MACROD2: variants seen among roughly 807,000 people sequenced by gnomAD.
MACROD2 encodes ADP-ribose glycohydrolase MACROD2.
MACROD2 carries 36 observed loss-of-function variants against 70.4 expected under a neutral mutation model. The ratio of observed to expected loss-of-function variants is 0.51; its 90% CI spans 0.39 to 0.68. MACROD2 has a LOEUF of 0.68. Among genes scored for constraint, MACROD2 ranks in the 30% least tolerant of loss-of-function variants. The pLI, the probability that MACROD2 is intolerant of heterozygous loss-of-function variation, is 0.00. For missense variants in MACROD2, 496 were observed against 538.4 expected, an observed-to-expected ratio of 0.92 and a Z score of 0.78; for synonymous variants, 172 against 178.8, an observed-to-expected ratio of 0.96 and a Z score of 0.30.
At chr20:14,869,070 G>A (rs1436446292) in intron 5 of MACROD2, among the ~76,000 whole-genome samples, 1 of 152,110 alleles carries the variant, frequency 6.6e-6, no homozygotes, top group Non-Finnish European at 1.5e-5. Context: ...ACCTTGAGTG[G>A]CCCTTTCTAA....
intron 5 of MACROD2, among the ~76,000 whole-genome samples, chr20:14,835,716 T>A (rs1665051946): frequency 6.6e-6 from 1 of 151,980 alleles, no homozygotes; most frequent in Non-Finnish European, 1.5e-5. Context: ...GAACAGGGCA[T>A]TGCACCATTC....
intron 2 of MACROD2, among the ~76,000 whole-genome samples, chr20:14,030,040 C>A (rs530016865): frequency 6.6e-6 from 1 of 152,270 alleles, no homozygotes; most frequent in Admixed American, 6.5e-5. Context: ...ATTTTACTTG[C>A]AAAGTATTGT....
At chr20:14,012,495 A>G (rs1268516338) in intron 2 of MACROD2, among the ~76,000 whole-genome samples, 1 of 152,084 alleles carries the variant, frequency 6.6e-6, no homozygotes, top group Non-Finnish European at 1.5e-5. Flanking sequence ...AGTGATGCAA[A>G]TTTTCTTTCC....
At chr20:15,993,231 AGAGT>A (rs374644176) in intron 15 of MACROD2, among the ~76,000 whole-genome samples, 8,370 of 97,902 alleles carry the variant, frequency 0.085, 242 homozygotes, top group South Asian at 0.14. Flanking sequence ...GAGAATTTGA[AGAGT>A]GTGTGTGTGT....
intron 5 of MACROD2, among the ~76,000 whole-genome samples, chr20:14,977,648 A>G (rs2074753706): frequency 6.6e-6 from 1 of 152,068 alleles, no homozygotes; most frequent in African/African-American, 2.4e-5. Flanking sequence ...GTCAAAAGAG[A>G]TAACCGTTGT....
rs377472488 is a variant in MACROD2, at chr20:15,937,456, G to C, written c.839-20G>C. 5 of 1,612,568 alleles carry C rather than the reference G, an allele frequency of 3.1e-6. No individual in the cohort carries two copies. In the African/African-American group the frequency reaches 6.7e-5, roughly 22 times the overall value. On this transcript the variant is annotated intron_variant, in intron 11 of 17. Transcript: ENST00000684519. ...CCGGAAGGATGAACTCTGAGGCAGT[G>C]TTTCTTTTCTGCTTTATAGATGGTG... is the stretch of plus-strand genomic sequence containing the variant.
At chr20:14,319,034 A>G (rs969021260) in intron 3 of MACROD2, among the ~76,000 whole-genome samples, 1 of 152,226 alleles carries the variant, frequency 6.6e-6, no homozygotes, top group African/African-American at 2.4e-5. Flanking sequence ...GTAATCTCAA[A>G]AATGTTTTCT....
intron 5 of MACROD2, among the ~76,000 whole-genome samples, chr20:14,968,863 G>T (rs1416567562): frequency 6.6e-6 from 1 of 151,810 alleles, no homozygotes; most frequent in Non-Finnish European, 1.5e-5. Context: ...TGGGGTTCAA[G>T]TTCTGTTTGT....
intron 5 of MACROD2, among the ~76,000 whole-genome samples, chr20:14,886,043 A>G (rs1235393259): frequency 6.6e-6 from 1 of 152,198 alleles, no homozygotes; most frequent in East Asian, 1.9e-4. Flanking sequence ...GGTAAATTAC[A>G]TAGTATGTTA....
chr20:15,282,273 C>T (rs547477723), intron 6 of MACROD2, among the ~76,000 whole-genome samples: 2 of 152,290 alleles, frequency 1.3e-5, no homozygotes, highest in Non-Finnish European at 2.9e-5. Context: ...TTTGGCTCCT[C>T]GTTACTTATG....
At chr20:14,626,104 G>A (rs1247139331) in intron 4 of MACROD2, among the ~76,000 whole-genome samples, 1 of 152,060 alleles carries the variant, frequency 6.6e-6, no homozygotes, top group East Asian at 1.9e-4. Context: ...GATTACAGGC[G>A]TGAGCCACTG....
At chr20:14,948,958 C>T (rs964287067) in intron 5 of MACROD2, among the ~76,000 whole-genome samples, 1 of 152,128 alleles carries the variant, frequency 6.6e-6, no homozygotes, top group African/African-American at 2.4e-5. Flanking sequence ...TGTCCTTACA[C>T]GTATATGAGT....
intron 6 of MACROD2, among the ~76,000 whole-genome samples, chr20:15,370,313 G>A (rs1381809997): frequency 6.6e-6 from 1 of 151,870 alleles, no homozygotes; most frequent in Non-Finnish European, 1.5e-5. Context: ...CTACTTTTTA[G>A]TTTTGAAAAA....
At chr20:14,385,449 C>T (rs1165534944) in intron 3 of MACROD2, among the ~76,000 whole-genome samples, 3 of 152,054 alleles carry the variant, frequency 2.0e-5, no homozygotes, top group Admixed American at 6.6e-5. Flanking sequence ...AAAGTATCAA[C>T]GTCGGGCTAT....
chr20:15,491,239 G>T (rs1263285424), intron 7 of MACROD2, among the ~76,000 whole-genome samples: 1 of 152,072 alleles, frequency 6.6e-6, no homozygotes, highest in Non-Finnish European at 1.5e-5. Flanking sequence ...TGTTACCGTC[G>T]TGCTGACAGC....
At chr20:15,757,002 C>G (rs1003295466) in intron 8 of MACROD2, among the ~76,000 whole-genome samples, 1 of 152,188 alleles carries the variant, frequency 6.6e-6, no homozygotes, top group Non-Finnish European at 1.5e-5. Flanking sequence ...GAGACATTTG[C>G]ATGGGTAATT....
intron 3 of MACROD2, among the ~76,000 whole-genome samples, chr20:14,270,201 A>G (rs1247199466): frequency 6.6e-6 from 1 of 152,208 alleles, no homozygotes; most frequent in African/African-American, 2.4e-5. Flanking sequence ...AAGTGTCTAT[A>G]TGCACACAAA....
chr20:15,328,816 A>C (rs1600248009), intron 6 of MACROD2, among the ~76,000 whole-genome samples: 1 of 152,122 alleles, frequency 6.6e-6, no homozygotes, highest in South Asian at 2.1e-4. Context: ...CACTCTTAGA[A>C]ATTTCCTTAA....
intron 3 of MACROD2, among the ~76,000 whole-genome samples, chr20:14,286,759 G>C (rs1032448473): frequency 3.3e-5 from 5 of 152,026 alleles, no homozygotes; most frequent in Non-Finnish European, 5.9e-5. Flanking sequence ...ATCTCGAAAT[G>C]CTCTGAAAGA....
Sources: gnomAD v4.1 joint callset for allele counts (sites outside exome capture counted in the v4.1 genomes callset) on GRCh38, gnomAD v4.1.1 for gene constraint, MANE v1.5 for transcripts, NCBI Gene and HGNC (gene_info 2026-07-23, HGNC 2026-07-21) for gene names.